STPG2: variants seen among roughly 807,000 people sequenced by gnomAD.
The protein encoded by STPG2 is sperm-tail PG-rich repeat-containing protein 2.
Under a neutral mutation model 54.2 loss-of-function variants are expected in STPG2, and 56 were observed. That is an observed-to-expected ratio of 1.03 (90% confidence interval 0.83 to 1.29). STPG2 has a LOEUF of 1.29. Among genes scored for constraint, STPG2 ranks in the 50% most tolerant of loss-of-function variants. The pLI, the probability that STPG2 is intolerant of heterozygous loss-of-function variation, is 0.00. For missense variants in STPG2, 596 were observed against 544.9 expected (o/e 1.09, Z -0.93); for synonymous variants, 200 against 181.8 (o/e 1.10, Z -0.81).
intron 9 of STPG2, among the ~76,000 whole-genome samples, chr4:97,782,981 A>T (rs1354577947): frequency 6.6e-6 from 1 of 152,220 alleles, no homozygotes; most frequent in Non-Finnish European, 1.5e-5. Context: ...AAAACCCTAG[A>T]AGAAAACCTA....
chr4:97,709,902 T>C (rs1724060757), intron 10 of STPG2, among the ~76,000 whole-genome samples: 1 of 151,910 alleles, frequency 6.6e-6, no homozygotes, highest in African/African-American at 2.4e-5. Context: ...AAATTAGTGA[T>C]TTATGAAAAG....
intron 8 of STPG2, among the ~76,000 whole-genome samples, chr4:97,932,872 A>G (rs1038911200): frequency 6.6e-6 from 1 of 152,040 alleles, no homozygotes; most frequent in East Asian, 1.9e-4. Flanking sequence ...ATTCCTTTGG[A>G]TATATATCCC....
chr4:97,794,669 A>T (rs1326779109), intron 9 of STPG2, among the ~76,000 whole-genome samples: 2 of 152,122 alleles, frequency 1.3e-5, no homozygotes, highest in African/African-American at 2.4e-5. Flanking sequence ...TTTATATAAC[A>T]ATTATCCTAT....
chr4:98,046,089 A>G (rs1737119483), intron 5 of STPG2, among the ~76,000 whole-genome samples: 1 of 56,140 alleles, frequency 1.8e-5, no homozygotes, highest in Admixed American at 1.4e-4. Flanking sequence ...GAAAATTTCC[A>G]ATGACCTGTC....
At chr4:98,060,420 C>CAAACAAATGGAAAA (rs1737609105) in intron 5 of STPG2, among the ~76,000 whole-genome samples, 2 of 151,560 alleles carry the variant, frequency 1.3e-5, no homozygotes, top group Admixed American at 1.3e-4. Context: ...TCAGAGAAAA[C>CAAACAAATGGAAAA]ACAAACAAAT....
intron 5 of STPG2, among the ~76,000 whole-genome samples, chr4:98,059,776 T>C (rs1349207079): frequency 6.6e-6 from 1 of 151,912 alleles, no homozygotes; most frequent in Non-Finnish European, 1.5e-5. Context: ...AATCAATAAA[T>C]ATGATTCATC....
intron 4 of STPG2, among the ~76,000 whole-genome samples, chr4:97,516,820 G>C (rs997642769): frequency 2.0e-5 from 3 of 149,976 alleles, no homozygotes; most frequent in African/African-American, 7.4e-5. Flanking sequence ...CTGGGAGACA[G>C]AGCAAGACTC....
At chr4:97,776,013 C>T (rs529050572) in intron 9 of STPG2, among the ~76,000 whole-genome samples, 1 of 152,224 alleles carries the variant, frequency 6.6e-6, no homozygotes, top group South Asian at 2.1e-4. Flanking sequence ...CTCCCCACCT[C>T]GGCCTCCCAA....
chr4:97,816,965 T>C (rs1475244659), intron 9 of STPG2, among the ~76,000 whole-genome samples: 1 of 147,582 alleles, frequency 6.8e-6, no homozygotes. Flanking sequence ...ATATATATTA[T>C]ATATTTTATA....
chr4:98,070,868 A>C (rs1340810587), intron 5 of STPG2, among the ~76,000 whole-genome samples: 5 of 152,148 alleles, frequency 3.3e-5, no homozygotes, highest in African/African-American at 1.2e-4. Flanking sequence ...GATATGACAT[A>C]AACAAATGGA....
At chr4:97,771,304 T>A (rs777391328) in intron 9 of STPG2, among the ~76,000 whole-genome samples, 1 of 152,002 alleles carries the variant, frequency 6.6e-6, no homozygotes, top group Non-Finnish European at 1.5e-5. Context: ...AAAGAGTAAC[T>A]CTAGGATATA....
intron 9 of STPG2, among the ~76,000 whole-genome samples, chr4:97,779,939 C>T (rs1305429215): frequency 3.3e-5 from 5 of 151,908 alleles, no homozygotes; most frequent in South Asian, 4.2e-4. Context: ...AAGCACTAAA[C>T]ATGGAAAGGA....
intron 3 of STPG2, among the ~76,000 whole-genome samples, chr4:98,126,999 T>C (rs1029840862): frequency 2.0e-5 from 3 of 152,064 alleles, no homozygotes; most frequent in East Asian, 1.9e-4. Flanking sequence ...AATATACTCA[T>C]ACGGTTATAT....
chr4:97,650,546 T>C (rs778851664), intron 10 of STPG2, among the ~76,000 whole-genome samples: 1 of 152,132 alleles, frequency 6.6e-6, no homozygotes, highest in Non-Finnish European at 1.5e-5. Flanking sequence ...TGACAATTGG[T>C]CGAGTTTGTC....
intron 5 of STPG2, among the ~76,000 whole-genome samples, chr4:98,098,143 A>G (rs1738915797): frequency 1.3e-5 from 2 of 152,294 alleles, no homozygotes; most frequent in South Asian, 4.1e-4. Flanking sequence ...TGTATGTGGA[A>G]TCACAAAAGA....
intron 7 of STPG2, among the ~76,000 whole-genome samples, chr4:97,954,858 G>A (rs1323863058): frequency 1.3e-5 from 2 of 151,956 alleles, no homozygotes; most frequent in Non-Finnish European, 2.9e-5. Context: ...AGAAGGCATG[G>A]TCAAAAATCA....
intron 5 of STPG2, among the ~76,000 whole-genome samples, chr4:98,028,788 G>A (rs1455504572): frequency 1.3e-5 from 2 of 151,788 alleles, no homozygotes; most frequent in Non-Finnish European, 2.9e-5. Context: ...TGAGTACATT[G>A]ATTTTACATC....
intron 5 of STPG2, among the ~76,000 whole-genome samples, chr4:98,046,827 G>C (rs1025650049): frequency 4.6e-5 from 7 of 152,134 alleles, no homozygotes; most frequent in Admixed American, 2.0e-4. Flanking sequence ...GCTTCCATCT[G>C]CTCTCAGAAA....
intron 10 of STPG2, among the ~76,000 whole-genome samples, chr4:97,707,520 CA>C (rs1260521650): frequency 6.6e-6 from 1 of 151,152 alleles, no homozygotes; most frequent in African/African-American, 2.4e-5. Flanking sequence ...GACCCTGTCT[CA>C]AAAAAATGAA....
Sources: allele counts gnomAD v4.1 joint callset (sites outside exome capture counted in the v4.1 genomes callset), GRCh38; gene constraint gnomAD v4.1.1; transcripts MANE v1.5; gene names NCBI Gene and HGNC (gene_info 2026-07-23, HGNC 2026-07-21).